Variants in L3MBTL4 observed in about 807,000 individuals in gnomAD.
L3MBTL4 encodes the protein lethal(3)malignant brain tumor-like protein 4.
L3MBTL4 carries 70 observed loss-of-function variants against 84.5 expected under a neutral mutation model. The ratio of observed to expected loss-of-function variants is 0.83; its 90% CI spans 0.68 to 1.01. The LOEUF (loss-of-function observed/expected upper bound fraction) is 1.01, where lower values mean the gene tolerates loss of function less well. Ranked by LOEUF, L3MBTL4 falls within the 50% of genes least tolerant of loss-of-function variation. L3MBTL4 has a pLI of 0.00. For synonymous variants in L3MBTL4, 274 were observed against 259.8 expected, an observed-to-expected ratio of 1.05 and a Z score of -0.52; for missense variants, 715 against 754.8, an observed-to-expected ratio of 0.95 and a Z score of 0.62.
Position 6,138,313 on chromosome 18 carries a change from A to G in L3MBTL4, c.1097-17T>C. ...CATTCGTTCCTTCAGGAAGTAAAAG[A>G]ACATGCCTTGAAAACACCCTCATTA... On this transcript the variant is annotated splice_polypyrimidine_tract_variant and intron_variant, in intron 13 of 18. Coordinates refer to ENST00000317931, the MANE Select transcript of L3MBTL4 (RefSeq NM_001330559.2). 6.5e-7 allele frequency: 1 copy of G among 1,527,302 alleles called. No individual in the cohort carries two copies. Among genetic ancestry groups the G allele is most frequent in the Non-Finnish European group, 9.0e-7 (1 of 1,106,016 alleles). The allele number at this position is 1,527,302 out of a possible 1,614,324, so 94.6% of individuals were successfully genotyped here.
chr18:5,957,228 C>T (rs2095232180), intron 18 of L3MBTL4, among the ~76,000 whole-genome samples: 1 of 152,050 alleles, frequency 6.6e-6, no homozygotes, highest in Non-Finnish European at 1.5e-5. Context: ...CAGAATGATT[C>T]CTGGCTCCAG....
At chr18:6,366,787 GC>G (rs2053953287) in intron 1 of L3MBTL4, among the ~76,000 whole-genome samples, 1 of 152,224 alleles carries the variant, frequency 6.6e-6, no homozygotes, top group African/African-American at 2.4e-5. Context: ...CCATCAAAAT[GC>G]CAGACTTTCT....
At chr18:6,405,616 A>C (rs11664889) in intron 1 of L3MBTL4, among the ~76,000 whole-genome samples, 431 of 151,564 alleles carry the variant, frequency 2.8e-3, no homozygotes, top group East Asian at 0.012. Flanking sequence ...CCGAGGGCCC[A>C]CTAAACACAG....
At chr18:6,313,023 T>G (rs945267618) in intron 1 of L3MBTL4, among the ~76,000 whole-genome samples, 2 of 152,208 alleles carry the variant, frequency 1.3e-5, no homozygotes, top group Non-Finnish European at 2.9e-5. Flanking sequence ...CAGAAAGGTC[T>G]TCCTTGCCTA....
At chr18:6,009,293 C>A (rs1230237366) in intron 16 of L3MBTL4, among the ~76,000 whole-genome samples, 3 of 152,124 alleles carry the variant, frequency 2.0e-5, no homozygotes, top group Admixed American at 6.5e-5. Flanking sequence ...CTTGGAGGAG[C>A]AATGACCAGT....
chr18:6,359,808 A>T (rs2053602901), intron 1 of L3MBTL4, among the ~76,000 whole-genome samples: 1 of 152,042 alleles, frequency 6.6e-6, no homozygotes, highest in South Asian at 2.1e-4. Flanking sequence ...AAGAGACTGT[A>T]CATTCTCTGC....
intron 14 of L3MBTL4, among the ~76,000 whole-genome samples, chr18:6,096,517 A>G (rs570037117): frequency 2.6e-4 from 40 of 152,340 alleles, no homozygotes; most frequent in African/African-American, 9.4e-4. Context: ...TTGCAGAGAA[A>G]TAGCTACATT....
intron 12 of L3MBTL4, among the ~76,000 whole-genome samples, chr18:6,210,275 C>T (rs896901661): frequency 2.0e-5 from 3 of 152,160 alleles, no homozygotes; most frequent in African/African-American, 7.2e-5. Flanking sequence ...CACACAGGAC[C>T]CTCCAGGTAG....
At chr18:6,120,633 T>A (rs1374685517) in intron 14 of L3MBTL4, among the ~76,000 whole-genome samples, 2 of 152,222 alleles carry the variant, frequency 1.3e-5, no homozygotes, top group South Asian at 2.1e-4. Context: ...CCTCTTCCAG[T>A]CACTCCCTGT....
chr18:6,235,224 C>T (rs1228900023), intron 10 of L3MBTL4, among the ~76,000 whole-genome samples: 1 of 152,020 alleles, frequency 6.6e-6, no homozygotes, highest in African/African-American at 2.4e-5. Flanking sequence ...ATGTAAATGA[C>T]GAGTTAATGG....
At chr18:5,958,003 A>T (rs2095237276) in intron 18 of L3MBTL4, among the ~76,000 whole-genome samples, 1 of 148,294 alleles carries the variant, frequency 6.7e-6, no homozygotes, top group South Asian at 2.2e-4. Context: ...AGAAGGAAGG[A>T]GAAGGAGGAG....
intron 16 of L3MBTL4, among the ~76,000 whole-genome samples, chr18:6,043,935 C>T (rs796617705): frequency 1.4e-4 from 21 of 152,276 alleles, no homozygotes; most frequent in African/African-American, 4.8e-4. Flanking sequence ...TTCTGTATTT[C>T]TTTCCTTTGA....
intron 5 of L3MBTL4, among the ~76,000 whole-genome samples, chr18:6,263,654 C>A (rs764979734): frequency 2.6e-5 from 4 of 152,188 alleles, no homozygotes; most frequent in Non-Finnish European, 5.9e-5. Flanking sequence ...ACGGGTACAA[C>A]TGATTTAGTC....
intron 16 of L3MBTL4, among the ~76,000 whole-genome samples, chr18:5,996,924 G>A (rs948161330): frequency 2.6e-5 from 4 of 152,048 alleles, no homozygotes; most frequent in African/African-American, 7.2e-5. Context: ...TTTCCCTCCC[G>A]ATCCAGTTCA....
In L3MBTL4 at chr18:5,970,232, C is replaced by T. The variant is rs150628044; in HGVS notation, c.1445-670G>A. Among the ~76,000 whole-genome samples, 887 of 152,354 alleles carry T rather than the reference C, an allele frequency of 5.8e-3. 10 individuals are homozygous for T. The highest frequency in any genetic ancestry group is 0.02 in the African/African-American group (837 of 41,580). ...TGAGACATGACCTCCCTAACACAGGCACTCTTAGATGGGGTGCTCTTTTCT... is the reference window on the plus strand; with the variant it reads ...TGAGACATGACCTCCCTAACACAGGTACTCTTAGATGGGGTGCTCTTTTCT... On this transcript the variant is annotated intron_variant, in intron 16 of 18. Transcript: ENST00000317931.
At chr18:6,052,818 CT>C (rs2056883347) in intron 16 of L3MBTL4, among the ~76,000 whole-genome samples, 1 of 152,224 alleles carries the variant, frequency 6.6e-6, no homozygotes, top group Admixed American at 6.5e-5. Flanking sequence ...ACTGCTAGTT[CT>C]CAGGGAAAGA....
rs540451399 is a variant in L3MBTL4 at position 6,136,203 on chromosome 18, A to G, written c.1199+1991T>C. Among the ~76,000 whole-genome samples the G allele has an allele frequency of 5.6e-4, 86 of 152,276 alleles. 1 individual carries two copies. Among genetic ancestry groups the G allele is most frequent in the Admixed American group, 9.8e-4 (15 of 15,294 alleles). The stretch of plus-strand genomic sequence containing the variant: ...AACATGTGGGAATTTTGGGAGATAC[A>G]ATTCAAGTTGAGATTTGAGTGAGGA... On this transcript the variant is annotated intron_variant, in intron 14 of 18. Transcript: ENST00000317931.
At chr18:6,120,231 C>G (rs143080836) in intron 14 of L3MBTL4, among the ~76,000 whole-genome samples, 2 of 152,332 alleles carry the variant, frequency 1.3e-5, no homozygotes, top group East Asian at 3.9e-4. Flanking sequence ...CGACCACGTG[C>G]CTCCTAAGGT....
chr18:6,179,266 G>A lies in L3MBTL4; in HGVS notation c.982-7324C>T, dbSNP rs562408153. Among the ~76,000 whole-genome samples, 12 of 152,224 alleles carry A rather than the reference G, an allele frequency of 7.9e-5. No homozygotes were observed. The South Asian group carries it at 1.9e-3, about 24-fold the overall frequency. On this transcript the variant is annotated intron_variant, in intron 12 of 18. Transcript: ENST00000317931. Reference sequence around the variant, plus strand: ...TGCTTATGGCAAACAAATTGTAAGCGCAGACATGATGTTAACTTCTTCAGA... The same window carrying A: ...TGCTTATGGCAAACAAATTGTAAGCACAGACATGATGTTAACTTCTTCAGA...
Sources: allele counts gnomAD v4.1 joint callset (sites outside exome capture counted in the v4.1 genomes callset), GRCh38; gene constraint gnomAD v4.1.1; transcripts MANE v1.5; gene names NCBI Gene and HGNC (gene_info 2026-07-23, HGNC 2026-07-21).